Variants in KIF21B observed in about 807,000 individuals in gnomAD.
KIF21B encodes kinesin family member 21B, also known as kinesin-like protein KIF21B.
KIF21B carries 85 observed loss-of-function variants against 192.9 expected under a neutral mutation model. That is an observed-to-expected ratio of 0.44 (90% CI 0.37 to 0.53). The LOEUF (loss-of-function observed/expected upper bound fraction) is 0.53, where lower values mean the gene tolerates loss of function less well. Among genes scored for constraint, KIF21B ranks in the 20% least tolerant of loss-of-function variants. KIF21B has a pLI of 0.00. For missense variants in KIF21B, 1,716 were observed against 2,194.8 expected (o/e 0.78, Z 4.36); for synonymous variants, 832 against 884.6 (o/e 0.94, Z 1.05).
Position 200,970,793 on chromosome 1 carries a change from G to A in KIF21B, c.*2728C>T, listed in dbSNP as rs755573095. The A allele has an allele frequency of 7.9e-5, 12 of 152,434 alleles. No individual in the cohort carries two copies. The highest frequency in any genetic ancestry group is 1.8e-4 in the Non-Finnish European group (12 of 68,102). The allele number at this position is 152,434 out of a possible 1,614,324, so 9.4% of individuals were successfully genotyped here. A position where few individuals can be genotyped will look rare whatever the true frequency, so the allele number is the denominator to read the frequency against. The stretch of plus-strand genomic sequence containing the variant: ...AGGCGTTTAGAGATTTGGGGTGCGG[G>A]GTTTAGAGAGCGCTTTACTCCTGGT... On this transcript the variant is annotated 3_prime_UTR_variant, in exon 35 of 35. Transcript: ENST00000461742.
chr1:201,020,901 C>T (rs1380897599), intron 1 of KIF21B, among the ~76,000 whole-genome samples: 1 of 152,000 alleles, frequency 6.6e-6, no homozygotes, highest in Non-Finnish European at 1.5e-5. Flanking sequence ...GGACTCCAGG[C>T]TCGCTATGTT....
chr1:200,989,691 G>T (rs1261168501), intron 21 of KIF21B, among the ~76,000 whole-genome samples: 2 of 152,250 alleles, frequency 1.3e-5, no homozygotes, highest in Non-Finnish European at 2.9e-5. Flanking sequence ...AGGCCCTGTT[G>T]TGTGCCAGGT....
At chr1:200,981,218 A>G in intron 28 of KIF21B, 122 bp from the exon 29 acceptor site, 1 of 1,011,438 alleles carries the variant, frequency 9.9e-7, no homozygotes, top group Non-Finnish European at 1.4e-6. Context: ...AATAACAGAG[A>G]CTTTAAGGAC....
rs1657109074 is a variant in KIF21B at position 200,997,002 on chromosome 1, G to A, written c.2078-607C>T. On this transcript the variant is annotated intron_variant, in intron 14 of 34. Transcript: ENST00000461742. ...TACCTCCCAGCAAGCAATCAACAAAGCCTTCTGGCTCAACCTGAAAAACAT... is the reference window on the plus strand; with the variant it reads ...TACCTCCCAGCAAGCAATCAACAAAACCTTCTGGCTCAACCTGAAAAACAT... Among the ~76,000 whole-genome samples, 6 of 152,164 alleles carry A rather than the reference G, an allele frequency of 3.9e-5. No homozygotes were observed. In the South Asian group the frequency reaches 8.3e-4, roughly 21 times the overall value.
At chr1:200,996,060 G>A (rs1268543365) in intron 15 of KIF21B, 136 bp downstream of exon 15, 3 of 931,036 alleles carry the variant, frequency 3.2e-6, no homozygotes, top group East Asian at 4.8e-5. Flanking sequence ...CCAAGACAGG[G>A]TCAAACTAGG....
intron 30 of KIF21B, among the ~76,000 whole-genome samples, chr1:200,979,019 A>G (rs1290544864): frequency 6.6e-6 from 1 of 152,212 alleles, no homozygotes; most frequent in Non-Finnish European, 1.5e-5. Context: ...AAATTAATAG[A>G]CTGTAGCTTA....
chr1:200,977,283 G>A lies in KIF21B; in HGVS notation c.4254C>T (p.Ile1418=), dbSNP rs777196822. Residue 1418 remains isoleucine, a synonymous_variant, in exon 31 of 35, where the codon ATC becomes ATT. Transcript: ENST00000461742. Reference sequence around the variant, plus strand: ...GCATGGTGCCCGAAGGGCTGAGGGCGATCTGGTTGATCTGATGCTCGCCCT... The same window carrying A: ...GCATGGTGCCCGAAGGGCTGAGGGCAATCTGGTTGATCTGATGCTCGCCCT... ...SAQGEHQINQ[I]ALSPSGTMLY... 7 of 1,614,124 alleles carry A rather than the reference G, an allele frequency of 4.3e-6. No individual in the cohort carries two copies. Among genetic ancestry groups the A allele is most frequent in the Admixed American group, 3.3e-5 (2 of 60,010 alleles).
intron 30 of KIF21B, among the ~76,000 whole-genome samples, chr1:200,978,643 T>A (rs1163105963): frequency 6.6e-6 from 1 of 152,208 alleles, no homozygotes; most frequent in Admixed American, 6.5e-5. Context: ...TACAGCATCA[T>A]ACAGAATAAT....
At chr1:200,991,525 A>T in intron 17 of KIF21B, 132 bp downstream of exon 17, 1 of 911,152 alleles carries the variant, frequency 1.1e-6, no homozygotes, top group Non-Finnish European at 1.7e-6. Flanking sequence ...CGGCTCTGGC[A>T]GAACTGGGAA....
chr1:200,975,196 C>T lies in KIF21B; in HGVS notation c.4615-283G>A, dbSNP rs1571906553. On this transcript the variant is annotated intron_variant, in intron 33 of 34. Coordinates refer to ENST00000461742, the MANE Select transcript of KIF21B (RefSeq NM_001252102.2). The surrounding 1 kb of genome is among the most constrained non-coding windows in gnomAD (Gnocchi z 4.3). The stretch of plus-strand genomic sequence containing the variant: ...CCCTCACACGGGTCAGGCTAAAACA[C>T]AAATGCTCCCAGGAAAGGAATTGGG... Among the ~76,000 whole-genome samples the T allele has an allele frequency of 1.3e-5, 2 of 152,240 alleles. No homozygotes were observed. Among genetic ancestry groups the T allele is most frequent in the East Asian group, 3.8e-4 (2 of 5,196 alleles).
chr1:200,990,623 T>C lies in KIF21B; in HGVS notation c.2788A>G (p.Arg930Gly). 6.2e-7 allele frequency: 1 copy of C among 1,614,104 alleles called. No individual in the cohort carries two copies. The highest frequency in any genetic ancestry group is 8.5e-7 in the Non-Finnish European group (1 of 1,179,992). The change falls in exon 19 of 35, where the codon AGA becomes GGA. Residue 930 changes from arginine to glycine, a missense_variant. By Grantham distance (125) the Arg-to-Gly change is moderately radical (BLOSUM62 -2). This residue lies in a region of KIF21B where 1,087 missense variants were observed against 1,316.6 expected (regional missense o/e 0.83). Coordinates refer to ENST00000461742, the MANE Select transcript of KIF21B (RefSeq NM_001252102.2). This position sits in a 1 kb window ranked among gnomAD's most constrained non-coding sequence, Gnocchi z 5.4. ...GCCTCCAGGTTGACAATGGTCATTC[T>C]CTGCATGACGATGTCAATGATCCGT... ...ERRIIDIVMQ[R>G]MTIVNLEADM... is the part of the protein sequence containing the mutation.
chr1:200,993,172 T>C (rs1487833626), intron 15 of KIF21B, among the ~76,000 whole-genome samples: 2 of 152,208 alleles, frequency 1.3e-5, no homozygotes, highest in Non-Finnish European at 1.5e-5. Flanking sequence ...GGCGACCCAA[T>C]GTGCTGGGAA....
Position 200,999,227 on chromosome 1 carries a change from G to C in KIF21B, c.1885+122C>G, listed in dbSNP as rs111819040. The C allele has an allele frequency of 1.3e-5, 16 of 1,192,498 alleles. No homozygotes were observed. In the African/African-American group the frequency reaches 1.3e-4, roughly 10 times the overall value. The allele number at this position is 1,192,498 out of a possible 1,614,324, so 73.9% of individuals were successfully genotyped here. A position where few individuals can be genotyped will look rare whatever the true frequency, so the allele number is the denominator to read the frequency against. ...TCATCATGACTGCCTGTTGTCATTG[G>C]TTTCACGTCTGGGAGTGCTGGGGCC... On this transcript the variant is annotated intron_variant, in intron 13 of 34. Transcript: ENST00000461742. This position sits in a 1 kb window ranked among gnomAD's most constrained non-coding sequence, Gnocchi z 4.7.
intron 30 of KIF21B, among the ~76,000 whole-genome samples, chr1:200,978,343 C>T (rs1388387945): frequency 6.6e-6 from 1 of 152,108 alleles, no homozygotes; most frequent in African/African-American, 2.4e-5. Flanking sequence ...GCCACTGCGC[C>T]CAGCCTTGTT....
At chr1:200,991,531 G>T in intron 17 of KIF21B, 126 bp downstream of exon 17, 1 of 978,964 alleles carries the variant, frequency 1.0e-6, no homozygotes, top group South Asian at 1.5e-5. Flanking sequence ...TGGCAGAACT[G>T]GGAAATACCG....
At chr1:201,018,527 TA>T (rs1465874975) in intron 1 of KIF21B, among the ~76,000 whole-genome samples, 1 of 152,228 alleles carries the variant, frequency 6.6e-6, no homozygotes, top group Non-Finnish European at 1.5e-5. Context: ...CTGTGTGTAG[TA>T]AAGCATTTGA....
In KIF21B at chr1:201,000,108, T is replaced by C; in HGVS notation, c.1686-144A>G. On this transcript the variant is annotated intron_variant, in intron 11 of 34. Coordinates refer to ENST00000461742, the MANE Select transcript of KIF21B (RefSeq NM_001252102.2). This position sits in a 1 kb window ranked among gnomAD's most constrained non-coding sequence, Gnocchi z 6.0. ...GCTCCTACTCTGCAGAGAACCCCAC[T>C]GCTCTTCCCTAGGGCCACCCAGAGC... 1.3e-6 allele frequency: 1 copy of C among 770,756 alleles called. No homozygotes were observed. The highest frequency in any genetic ancestry group is 2.6e-5 in the East Asian group (1 of 38,232). The allele number at this position is 770,756 out of a possible 1,614,324, so 47.7% of individuals were successfully genotyped here.
rs1336714884 is a variant in KIF21B, at chr1:200,999,739, A to C, written c.1767+144T>G. The C allele has an allele frequency of 4.4e-6, 4 of 899,530 alleles. No individual in the cohort carries two copies. The highest frequency in any genetic ancestry group is 5.3e-6 in the Non-Finnish European group (3 of 562,280). 55.7% of individuals were successfully genotyped at this position (899,530 alleles called of 1,614,324 possible). A position where few individuals can be genotyped will look rare whatever the true frequency, so the allele number is the denominator to read the frequency against. ...GGAGATCACCATGGTAACCAGTCAG[A>C]GATATAAGGAAGTACAAGGATCAAC... On this transcript the variant is annotated intron_variant, in intron 12 of 34. Transcript: ENST00000461742. The surrounding 1 kb of genome is among the most constrained non-coding windows in gnomAD (Gnocchi z 4.7).
chr1:200,999,278 C>A lies in KIF21B; in HGVS notation c.1885+71G>T. ...TGGACACCATTATCTTTGAGCAGGG[C>A]CCGACCCCACACTTGGGCACTGGCA... On this transcript the variant is annotated intron_variant, in intron 13 of 34. Transcript: ENST00000461742. This position sits in a 1 kb window ranked among gnomAD's most constrained non-coding sequence, Gnocchi z 4.7. The A allele has an allele frequency of 1.3e-6, 2 of 1,591,484 alleles. No homozygotes were observed. Among genetic ancestry groups the A allele is most frequent in the Non-Finnish European group, 1.7e-6 (2 of 1,160,984 alleles).
Sources: gnomAD v4.1 joint callset for allele counts (sites outside exome capture counted in the v4.1 genomes callset) on GRCh38, gnomAD v4.1.1 for gene constraint, gnomAD v4.1.1 regional missense constraint, Gnocchi (gnomAD v3.1) non-coding constraint, MANE v1.5 for transcripts, NCBI Gene and HGNC (gene_info 2026-07-23, HGNC 2026-07-21) for gene names.